Variants in RHBDL2 observed in about 807,000 individuals in gnomAD.
The protein encoded by RHBDL2 is rhomboid like 2.
RHBDL2 carries 26 observed loss-of-function variants against 31.7 expected under a neutral mutation model. That is an observed-to-expected ratio of 0.82 (90% CI 0.60 to 1.14). The LOEUF is 1.14. Among genes scored for constraint, RHBDL2 ranks in the 50% most tolerant of loss-of-function variants. The pLI is 0.00. For synonymous variants in RHBDL2, 123 were observed against 127.2 expected (o/e 0.97, Z 0.22); for missense variants, 336 against 364.4 (o/e 0.92, Z 0.63).
At chr1:38,901,228 C>A (rs1642984401) in intron 4 of RHBDL2, among the ~76,000 whole-genome samples, 1 of 151,700 alleles carries the variant, frequency 6.6e-6, no homozygotes, top group South Asian at 2.1e-4. Flanking sequence ...TTTGGGAGGA[C>A]AAGGCAGGCA....
chr1:38,940,867 C>T (rs952013582), intron 1 of RHBDL2, among the ~76,000 whole-genome samples: 4 of 152,046 alleles, frequency 2.6e-5, no homozygotes, highest in Non-Finnish European at 5.9e-5. Context: ...TGCACTGCAG[C>T]CTGGGCAAGG....
At chr1:38,909,043 C>T (rs745567056) in intron 4 of RHBDL2, among the ~76,000 whole-genome samples, 4 of 152,190 alleles carry the variant, frequency 2.6e-5, no homozygotes, top group African/African-American at 4.8e-5. Context: ...CCGCGTCCTC[C>T]GGCTGGTCAG....
chr1:38,918,114 A>G (rs1330356096), intron 2 of RHBDL2, among the ~76,000 whole-genome samples: 1 of 152,184 alleles, frequency 6.6e-6, no homozygotes, highest in Admixed American at 6.5e-5. Flanking sequence ...CCAAGTCTCC[A>G]TAATCATTTG....
Position 38,919,028 on chromosome 1 carries a change from T to G in RHBDL2, c.185A>C (p.Tyr62Ser). 1 of 1,614,168 alleles carries G rather than the reference T, an allele frequency of 6.2e-7. No homozygotes were observed. The highest frequency in any genetic ancestry group is 8.5e-7 in the Non-Finnish European group (1 of 1,180,034). The change falls in exon 2 of 8, where the codon TAC becomes TCC. Residue 62 changes from tyrosine to serine, a missense_variant. By Grantham distance (144) the Tyr-to-Ser change is moderately radical. Coordinates refer to ENST00000372990, the MANE Select transcript of RHBDL2 (RefSeq NM_017821.5). ...CGGGAAGCAGTTAGCTCTCTCCAAG[T>G]ATGTTCCTCGGGACTTTTCGGGCAG... is the stretch of plus-strand genomic sequence containing the variant. The part of the protein sequence containing the change: ...WMLPEKSRGT[Y>S]LERANCFPPP...
At chr1:38,888,814 G>GTTTTT (rs1642818090) in intron 6 of RHBDL2, among the ~76,000 whole-genome samples, 1 of 152,056 alleles carries the variant, frequency 6.6e-6, no homozygotes, top group Admixed American at 6.6e-5. Context: ...TTTTGTTTTT[G>GTTTTT]TTTTCAGAAG....
At chr1:38,890,743 A>G (rs900594701) in intron 6 of RHBDL2, among the ~76,000 whole-genome samples, 2 of 150,848 alleles carry the variant, frequency 1.3e-5, no homozygotes, top group Admixed American at 6.6e-5. Flanking sequence ...TCTGCTGCCC[A>G]GGCTAGACTA....
At chr1:38,890,230 G>A (rs923177078) in intron 6 of RHBDL2, among the ~76,000 whole-genome samples, 2 of 151,842 alleles carry the variant, frequency 1.3e-5, no homozygotes, top group Admixed American at 6.6e-5. Context: ...TAGAGACGGG[G>A]TTTCACCATG....
At chr1:38,896,679 C>G (rs909054930) in intron 4 of RHBDL2, among the ~76,000 whole-genome samples, 4 of 152,148 alleles carry the variant, frequency 2.6e-5, no homozygotes, top group Admixed American at 2.6e-4. Flanking sequence ...CCCTCAGAAT[C>G]CTTCTCAACA....
chr1:38,908,591 T>C (rs1439614598), intron 4 of RHBDL2, among the ~76,000 whole-genome samples: 1 of 151,084 alleles, frequency 6.6e-6, no homozygotes, highest in East Asian at 2.0e-4. Context: ...AGTTCCCTTG[T>C]CCCCCTCGCA....
At chr1:38,902,481 G>A (rs1302347723) in intron 4 of RHBDL2, among the ~76,000 whole-genome samples, 13 of 148,744 alleles carry the variant, frequency 8.7e-5, no homozygotes, top group South Asian at 6.3e-4. Flanking sequence ...GTACAGTGGC[G>A]CAATCTCAGG....
chr1:38,910,728 A>G (rs1322008637), intron 4 of RHBDL2, among the ~76,000 whole-genome samples: 1 of 144,148 alleles, frequency 6.9e-6, no homozygotes, highest in African/African-American at 2.6e-5. Context: ...ACACCAAACT[A>G]CTTGCAGTTT....
At chr1:38,919,432 G>A in intron 1 of RHBDL2, 95 bp from the exon 2 acceptor site, 2 of 1,229,276 alleles carry the variant, frequency 1.6e-6, no homozygotes, top group South Asian at 1.8e-5. Flanking sequence ...GTTTTAAAAA[G>A]AGCCAGATGA....
chr1:38,912,930 G>C lies in RHBDL2; in HGVS notation c.396-1496C>G, dbSNP rs1284504000. Among the ~76,000 whole-genome samples the C allele has an allele frequency of 2.6e-4, 32 of 123,582 alleles. 1 individual carries two copies. Among genetic ancestry groups the C allele is most frequent in the African/African-American group, 1.0e-3 (30 of 28,998 alleles). 81.1% of individuals were successfully genotyped at this position (123,582 alleles called of 152,430 possible). On this transcript the variant is annotated intron_variant, in intron 3 of 7. Coordinates refer to ENST00000372990, the MANE Select transcript of RHBDL2 (RefSeq NM_017821.5). ...TATATATGTGTGTGTGTGTGTGTGT[G>C]TGTGTGTGTGTGTGTGTGTATTTAC...
intron 2 of RHBDL2, among the ~76,000 whole-genome samples, chr1:38,917,594 T>C (rs1420555377): frequency 6.6e-6 from 1 of 151,870 alleles, no homozygotes; most frequent in Admixed American, 6.6e-5. Context: ...GCCAGAAGGA[T>C]AACAGGAAGG....
At chr1:38,914,698 C>T (rs1463110648) in intron 3 of RHBDL2, among the ~76,000 whole-genome samples, 2 of 151,956 alleles carry the variant, frequency 1.3e-5, no homozygotes, top group Non-Finnish European at 2.9e-5. Context: ...CATTAATATT[C>T]CTAAATACTA....
intron 4 of RHBDL2, among the ~76,000 whole-genome samples, chr1:38,901,869 T>A (rs1642994865): frequency 6.7e-6 from 1 of 149,972 alleles, no homozygotes; most frequent in African/African-American, 2.5e-5. Context: ...AATAAATAAA[T>A]AAAACAAAAA....
intron 2 of RHBDL2, among the ~76,000 whole-genome samples, chr1:38,916,869 C>A (rs1326456288): frequency 2.6e-3 from 296 of 113,504 alleles, no homozygotes; most frequent in Middle Eastern, 9.3e-3. Context: ...GACTCCATCT[C>A]AAAAAAAAAA....
chr1:38,940,795 C>T (rs1314107543), intron 1 of RHBDL2, among the ~76,000 whole-genome samples: 2 of 152,136 alleles, frequency 1.3e-5, no homozygotes, highest in African/African-American at 2.4e-5. Context: ...ACTCAGGAAG[C>T]TGAGGCAAGA....
chr1:38,909,164 C>T (rs971155248), intron 4 of RHBDL2, among the ~76,000 whole-genome samples: 6 of 152,070 alleles, frequency 3.9e-5, no homozygotes, highest in African/African-American at 1.4e-4. Context: ...TTTATAGGCA[C>T]AGGATGGGGG....
Sources: allele counts gnomAD v4.1 joint callset (sites outside exome capture counted in the v4.1 genomes callset), GRCh38; gene constraint gnomAD v4.1.1; transcripts MANE v1.5; gene names NCBI Gene and HGNC (gene_info 2026-07-23, HGNC 2026-07-21).